The following NFIC variants were observed in gnomAD, a reference collection of about 807,000 sequenced individuals.
The protein encoded by NFIC is nuclear factor 1 C-type.
A neutral mutation model predicts 54.4 loss-of-function variants in NFIC; 12 were observed. The ratio of observed to expected loss-of-function variants is 0.22; its 90% CI spans 0.14 to 0.36. The LOEUF (loss-of-function observed/expected upper bound fraction) is 0.36. Ranked by LOEUF, NFIC falls within the 10% of genes least tolerant of loss-of-function variation. The probability of loss-of-function intolerance (pLI) is 1.00; values close to 1 mark genes in which losing one functional copy is unlikely to be tolerated. For synonymous variants in NFIC, 322 were observed against 319.2 expected, an observed-to-expected ratio of 1.01 and a Z score of -0.09; for missense variants, 575 against 718.2, an observed-to-expected ratio of 0.80 and a Z score of 2.28.
intron 6 of NFIC, among the ~76,000 whole-genome samples, chr19:3,440,381 G>A (rs1023706100): frequency 4.6e-5 from 7 of 151,668 alleles, no homozygotes; most frequent in Admixed American, 3.9e-4. Context: ...CATATGCAAA[G>A]CACCTAAACG....
intron 7 of NFIC, among the ~76,000 whole-genome samples, chr19:3,451,809 G>GT (rs1179467446): frequency 1.8e-4 from 17 of 95,658 alleles, no homozygotes; most frequent in African/African-American, 4.4e-4. Flanking sequence ...GTCATCCTCT[G>GT]TTTAAAAAAA....
upstream of NFIC, among the ~76,000 whole-genome samples, chr19:3,364,020 T>A (rs553050785): frequency 6.6e-6 from 1 of 152,112 alleles, no homozygotes; most frequent in Non-Finnish European, 1.5e-5. Flanking sequence ...ACTAAACCGG[T>A]CCCCCACAGA....
At chr19:3,442,174 G>A (rs987416397) in intron 6 of NFIC, among the ~76,000 whole-genome samples, 6 of 152,164 alleles carry the variant, frequency 3.9e-5, no homozygotes, top group East Asian at 1.9e-4. Context: ...TCTCCTGGCC[G>A]CCTCCACCCG....
At chr19:3,384,903 C>G (rs2081268692) in intron 2 of NFIC, among the ~76,000 whole-genome samples, 1 of 152,170 alleles carries the variant, frequency 6.6e-6, no homozygotes, top group Admixed American at 6.5e-5. Context: ...ACCTCTCTGC[C>G]ACCACACATC....
At chr19:3,444,548 C>A (rs964608766) in intron 6 of NFIC, among the ~76,000 whole-genome samples, 1 of 152,178 alleles carries the variant, frequency 6.6e-6, no homozygotes, top group East Asian at 1.9e-4. Flanking sequence ...CTGCCGGGAG[C>A]GTGCCGGCTT....
upstream of NFIC, among the ~76,000 whole-genome samples, chr19:3,365,944 T>TGGGACC (rs1425190798): frequency 2.6e-5 from 4 of 152,144 alleles, no homozygotes; most frequent in Admixed American, 6.5e-5. Context: ...CAGGGTGCTG[T>TGGGACC]GGGACCAGCT....
At chr19:3,366,712 C>T in intron 1 of NFIC, 46 bp downstream of exon 1, 1 of 1,301,414 alleles carries the variant, frequency 7.7e-7, no homozygotes, top group Admixed American at 3.3e-5. Context: ...GCGCCCCCCG[C>T]ATCCCAGCCC....
chr19:3,440,663 T>C (rs1555680400), intron 6 of NFIC, among the ~76,000 whole-genome samples: 3 of 152,062 alleles, frequency 2.0e-5, no homozygotes, highest in Non-Finnish European at 1.5e-5. Flanking sequence ...ACTCCTGACC[T>C]CAGGAGTTCC....
rs2082606652 is a variant in NFIC at position 3,459,296 on chromosome 19, C to T, written c.1509+2661C>T. On this transcript the variant is annotated intron_variant, in intron 10 of 10. Coordinates refer to ENST00000443272, the MANE Select transcript of NFIC (RefSeq NM_001245002.2). The surrounding 1 kb of genome is among the most constrained non-coding windows in gnomAD (Gnocchi z 4.2). ...CCGTGATCTATGCTAATTGATCTCG[C>T]CCTGGTCAGTTACCCACCCATCGCC... Among the ~76,000 whole-genome samples the T allele has an allele frequency of 6.6e-6, 1 of 151,406 alleles. No individual in the cohort carries two copies. The highest frequency in any genetic ancestry group is 2.4e-5 in the African/African-American group (1 of 41,160).
Position 3,465,450 on chromosome 19 carries a change from A to T in NFIC, c.*2681A>T, listed in dbSNP as rs2082706586. ...GAATCTAAAAAAAAAAAAAAAAAAA[A>T]AAAAGGAAGAAAAACCACGCTAAAA... On this transcript the variant is annotated 3_prime_UTR_variant, in exon 11 of 11. Transcript: ENST00000443272. 1 of 149,558 alleles carries T rather than the reference A, an allele frequency of 6.7e-6. No homozygotes were observed. The highest frequency in any genetic ancestry group is 6.6e-5 in the Admixed American group (1 of 15,086). 9.3% of individuals were successfully genotyped at this position (149,558 alleles called of 1,614,324 possible).
chr19:3,444,816 C>T lies in NFIC; in HGVS notation c.959-4198C>T, dbSNP rs551687956. On this transcript the variant is annotated intron_variant, in intron 6 of 10. Transcript: ENST00000443272. ...GCCAGCCCCTGCACACACACACACA[C>T]GCTTGCACACACGCATGCATGCTCA... Among the ~76,000 whole-genome samples the T allele has an allele frequency of 5.3e-5, 8 of 152,098 alleles. No homozygotes were observed. The East Asian group carries it at 5.8e-4, about 11-fold the overall frequency.
At position 3,375,926 on chromosome 19, in the gene NFIC, C is replaced by A. The variant is rs906265362; in HGVS notation, c.31-5786C>A. Among the ~76,000 whole-genome samples the A allele has an allele frequency of 3.3e-5, 5 of 152,060 alleles. No individual in the cohort carries two copies. Among genetic ancestry groups the A allele is most frequent in the Non-Finnish European group, 5.9e-5 (4 of 68,002 alleles). ...ACGTCTCCCTACCTTCCTGAGACCC[C>A]AATCTTACAGAGAACAGGCTGTTCT... On this transcript the variant is annotated intron_variant, in intron 1 of 10. Coordinates refer to ENST00000443272, the MANE Select transcript of NFIC (RefSeq NM_001245002.2). This position sits in a 1 kb window ranked among gnomAD's most constrained non-coding sequence, Gnocchi z 4.6.
rs35074733 is a variant in NFIC at position 3,388,652 on chromosome 19, G to GCC, written c.562+6417_562+6418dup. On this transcript the variant is annotated intron_variant, in intron 2 of 10. Coordinates refer to ENST00000443272, the MANE Select transcript of NFIC (RefSeq NM_001245002.2). ...AGCCTGGGCAACATAGCACGACCAT[G>GCC]CCCCCCCCCAACAAAATTTTTAAAA... 1.2e-3 allele frequency among the ~76,000 whole-genome samples: 172 copies of GCC among 149,280 alleles called. 1 individual carries two copies. Among genetic ancestry groups the GCC allele is most frequent in the Admixed American group, 2.9e-3 (44 of 14,992 alleles).
At chr19:3,361,900 GCA>G (rs571624052), upstream of NFIC, among the ~76,000 whole-genome samples, 312 of 152,190 alleles carry the variant, frequency 2.1e-3, 1 homozygote, top group Non-Finnish European at 4.0e-3. Flanking sequence ...GCATGACTCT[GCA>G]CACACAACCA....
chr19:3,398,384 G>C (rs183553074), intron 2 of NFIC, among the ~76,000 whole-genome samples: 1 of 152,270 alleles, frequency 6.6e-6, no homozygotes, highest in Non-Finnish European at 1.5e-5. Context: ...GTTGCAGTGA[G>C]CTGAGAGGCA....
At position 3,429,791 on chromosome 19, in the gene NFIC, C is replaced by G. The variant is rs895115119; in HGVS notation, c.635-3727C>G. On this transcript the variant is annotated intron_variant, in intron 3 of 10. Transcript: ENST00000443272. ...CTCTTTCCACTCCAACCCTGCTGGC[C>G]TGCAACTTGCCAAGTGCATTTCTAC... 6.6e-5 allele frequency among the ~76,000 whole-genome samples: 10 copies of G among 152,320 alleles called. 1 individual carries two copies. The highest frequency in any genetic ancestry group is 5.9e-4 in the Admixed American group (9 of 15,288).
intron 2 of NFIC, among the ~76,000 whole-genome samples, chr19:3,383,262 A>G (rs1390447157): frequency 6.6e-6 from 1 of 152,086 alleles, no homozygotes; most frequent in African/African-American, 2.4e-5. Context: ...CCGGTGGTCA[A>G]ATGCCTGATG....
chr19:3,389,233 C>G (rs1283788022), intron 2 of NFIC, among the ~76,000 whole-genome samples: 19 of 152,100 alleles, frequency 1.2e-4, no homozygotes, highest in Non-Finnish European at 8.8e-5. Context: ...TCACCCTGAG[C>G]TTGATGGCAG....
intron 2 of NFIC, among the ~76,000 whole-genome samples, chr19:3,406,462 A>G (rs2081651247): frequency 6.6e-6 from 1 of 151,710 alleles, no homozygotes; most frequent in Admixed American, 6.6e-5. Context: ...TTCTGACCTC[A>G]AGTGATCCTC....
Sources: allele counts gnomAD v4.1 joint callset (sites outside exome capture counted in the v4.1 genomes callset), GRCh38; gene constraint gnomAD v4.1.1; non-coding constraint Gnocchi (gnomAD v3.1); transcripts MANE v1.5; gene names NCBI Gene and HGNC (gene_info 2026-07-23, HGNC 2026-07-21).